CDH13: variants seen among roughly 807,000 people sequenced by gnomAD.
CDH13 encodes the protein cadherin-13.
A neutral mutation model predicts 63.8 loss-of-function variants in CDH13; 24 were observed. The observed-to-expected ratio is 0.38, with a 90% confidence interval of 0.27 to 0.53. CDH13 has a LOEUF of 0.53. Among genes scored for constraint, CDH13 ranks in the 20% least tolerant of loss-of-function variants. The pLI is 0.85. For missense variants in CDH13, 1,049 were observed against 903.1 expected (o/e 1.16, Z -2.07); for synonymous variants, 503 against 355.3 (o/e 1.42, Z -4.67).
chr16:82,963,874 G>A (rs752892106), intron 2 of CDH13, among the ~76,000 whole-genome samples: 14 of 152,128 alleles, frequency 9.2e-5, no homozygotes, highest in Non-Finnish European at 1.9e-4. Context: ...CAATGGCAAG[G>A]GCACCGGAAA....
intron 2 of CDH13, among the ~76,000 whole-genome samples, chr16:82,895,093 T>C (rs1465674203): frequency 6.6e-6 from 1 of 152,266 alleles, no homozygotes; most frequent in Admixed American, 6.5e-5. Flanking sequence ...AGGTGAACAA[T>C]TCAGTGGCAT....
intron 6 of CDH13, among the ~76,000 whole-genome samples, chr16:83,372,775 A>G (rs1455547279): frequency 6.9e-6 from 1 of 145,242 alleles, no homozygotes; most frequent in African/African-American, 2.5e-5. Context: ...AAAAAAAAAG[A>G]CAATGACAGA....
chr16:83,194,599 G>C (rs2038820109), intron 4 of CDH13, among the ~76,000 whole-genome samples: 1 of 152,144 alleles, frequency 6.6e-6, no homozygotes, highest in Non-Finnish European at 1.5e-5. Context: ...AAATTAGGCT[G>C]GTCAATTTGT....
chr16:82,797,346 C>T (rs1255094684), intron 1 of CDH13, among the ~76,000 whole-genome samples: 2 of 152,122 alleles, frequency 1.3e-5, no homozygotes, highest in African/African-American at 2.4e-5. Flanking sequence ...ACGGTAGCTG[C>T]AGAAAGAGCA....
Position 82,683,048 on chromosome 16 carries a change from G to C in CDH13, c.45+55911G>C, listed in dbSNP as rs542616782. On this transcript the variant is annotated intron_variant, in intron 1 of 13. Coordinates refer to ENST00000567109, the MANE Select transcript of CDH13 (RefSeq NM_001257.5). Reference sequence around the variant, plus strand: ...TTTCTGAACTTAGCCAAGTTATTCAGTTTCCATGGAGCTTAGTGTTCTCAG... The same window carrying C: ...TTTCTGAACTTAGCCAAGTTATTCACTTTCCATGGAGCTTAGTGTTCTCAG... 2.8e-4 allele frequency among the ~76,000 whole-genome samples: 42 copies of C among 152,326 alleles called. No homozygotes were observed. The South Asian group carries it at 7.7e-3, about 28-fold the overall frequency.
At chr16:83,030,242 T>C (rs149401443) in intron 2 of CDH13, among the ~76,000 whole-genome samples, 6 of 152,216 alleles carry the variant, frequency 3.9e-5, no homozygotes, top group African/African-American at 7.2e-5. Flanking sequence ...CCATCTTTGA[T>C]GCAACACTGA....
At chr16:83,035,129 T>G (rs1167985059) in intron 3 of CDH13, among the ~76,000 whole-genome samples, 2 of 151,912 alleles carry the variant, frequency 1.3e-5, no homozygotes, top group East Asian at 1.9e-4. Context: ...GAAAACAAAA[T>G]AGATAGCAAA....
chr16:83,596,322 C>T (rs1410299326), intron 7 of CDH13, among the ~76,000 whole-genome samples: 1 of 152,172 alleles, frequency 6.6e-6, no homozygotes, highest in Non-Finnish European at 1.5e-5. Context: ...CTCTATTGGT[C>T]CTAGGAGTTC....
chr16:83,357,416 G>A (rs778831790), intron 6 of CDH13, among the ~76,000 whole-genome samples: 23 of 152,228 alleles, frequency 1.5e-4, no homozygotes, highest in African/African-American at 4.6e-4. Context: ...AAATGTCTGC[G>A]TAGATTTTCA....
chr16:83,169,335 C>G (rs538998977), intron 4 of CDH13, among the ~76,000 whole-genome samples: 72 of 152,068 alleles, frequency 4.7e-4, no homozygotes, highest in African/African-American at 1.7e-3. Flanking sequence ...TGCCACCACA[C>G]CCAGCTATTT....
At chr16:83,043,480 T>C (rs1917499747) in intron 3 of CDH13, among the ~76,000 whole-genome samples, 1 of 140,718 alleles carries the variant, frequency 7.1e-6, no homozygotes, top group Non-Finnish European at 1.5e-5. Context: ...ATATAATAAC[T>C]GTATATATGA....
In CDH13 at chr16:82,667,340, G is replaced by A. The variant is rs1023838510; in HGVS notation, c.45+40203G>A. Among the ~76,000 whole-genome samples the A allele has an allele frequency of 3.3e-5, 5 of 152,320 alleles. No individual in the cohort carries two copies. In the South Asian group the frequency reaches 6.2e-4, roughly 19 times the overall value. ...AAGGAGGGGAGGCTTGCGAAGGCGC[G>A]TACTGAGCTGGCCATCCCCAAGTGC... On this transcript the variant is annotated intron_variant, in intron 1 of 13. Coordinates refer to ENST00000567109, the MANE Select transcript of CDH13 (RefSeq NM_001257.5).
Position 83,598,242 on chromosome 16 carries a change from A to G in CDH13, c.961-4212A>G, listed in dbSNP as rs536678439. ...TAGCTGGGTGTGGTGGCGTGTGATT[A>G]TAGTCCCAGCTACTCAGGAGGCTGG... On this transcript the variant is annotated intron_variant, in intron 7 of 13. Transcript: ENST00000567109. 8.8e-4 allele frequency among the ~76,000 whole-genome samples: 134 copies of G among 152,190 alleles called. 1 individual carries two copies. The highest frequency in any genetic ancestry group is 3.0e-3 in the African/African-American group (123 of 41,530).
At chr16:83,506,983 A>G (rs1235755156) in intron 7 of CDH13, among the ~76,000 whole-genome samples, 1 of 152,226 alleles carries the variant, frequency 6.6e-6, no homozygotes, top group Non-Finnish European at 1.5e-5. Context: ...ACTGTGTGCA[A>G]TCATAAATGT....
intron 6 of CDH13, among the ~76,000 whole-genome samples, chr16:83,421,168 G>A (rs980128796): frequency 6.8e-6 from 1 of 146,982 alleles, no homozygotes; most frequent in Non-Finnish European, 1.5e-5. Context: ...AGGAGAAAGT[G>A]GCATAAGTCT....
At chr16:83,271,882 A>G (rs2088829265) in intron 5 of CDH13, among the ~76,000 whole-genome samples, 1 of 152,202 alleles carries the variant, frequency 6.6e-6, no homozygotes, top group Non-Finnish European at 1.5e-5. Context: ...AAGCCTCTTT[A>G]GCTGGATTAA....
At chr16:83,191,003 G>C (rs780247075) in intron 4 of CDH13, among the ~76,000 whole-genome samples, 1 of 151,626 alleles carries the variant, frequency 6.6e-6, no homozygotes, top group African/African-American at 2.4e-5. Context: ...TTCTTATTTG[G>C]TTAAACTTTT....
intron 1 of CDH13, among the ~76,000 whole-genome samples, chr16:82,704,538 A>G (rs141611118): frequency 5.6e-4 from 85 of 152,330 alleles, no homozygotes; most frequent in Admixed American, 4.2e-3. Context: ...AGGCAAATCA[A>G]TAACCACAGT....
chr16:83,213,382 G>A (rs1013202479), intron 4 of CDH13, among the ~76,000 whole-genome samples: 1 of 152,090 alleles, frequency 6.6e-6, no homozygotes, highest in East Asian at 1.9e-4. Context: ...ACGGGAGGGT[G>A]GTGATGTTTG....
Sources: gnomAD v4.1 joint callset for allele counts (sites outside exome capture counted in the v4.1 genomes callset) on GRCh38, gnomAD v4.1.1 for gene constraint, MANE v1.5 for transcripts, NCBI Gene and HGNC (gene_info 2026-07-23, HGNC 2026-07-21) for gene names.